The following SLC24A2 variants were observed in gnomAD, a reference collection of about 807,000 sequenced individuals.
SLC24A2 encodes the protein sodium/potassium/calcium exchanger 2.
SLC24A2 carries 36 observed loss-of-function variants against 62.0 expected under a neutral mutation model. The observed-to-expected ratio is 0.58, with a 90% CI of 0.44 to 0.77. The LOEUF (loss-of-function observed/expected upper bound fraction) is 0.77. Ranked by LOEUF, SLC24A2 falls within the 30% of genes least tolerant of loss-of-function variation. The probability of loss-of-function intolerance (pLI) is 0.00; values close to 1 mark genes in which losing one functional copy is unlikely to be tolerated. For missense variants in SLC24A2, 846 were observed against 817.9 expected, an observed-to-expected ratio of 1.03 and a Z score of -0.42; for synonymous variants, 358 against 294.0, an observed-to-expected ratio of 1.22 and a Z score of -2.23.
intron 8 of SLC24A2, among the ~76,000 whole-genome samples, chr9:19,546,718 G>C (rs969161547): frequency 2.0e-5 from 3 of 151,036 alleles, no homozygotes; most frequent in Non-Finnish European, 4.4e-5. Context: ...TGGTGTTCTG[G>C]CACCACTGAG....
chr9:20,167,737 A>G, the SLC24A2 span, among the ~76,000 whole-genome samples: 1 of 151,932 alleles, frequency 6.6e-6, no homozygotes, highest in African/African-American at 2.4e-5. Flanking sequence ...TTATAATACA[A>G]GATACTGGGT....
At chr9:20,063,293 C>A in the SLC24A2 span, among the ~76,000 whole-genome samples, 1 of 150,794 alleles carries the variant, frequency 6.6e-6, no homozygotes, top group African/African-American at 2.4e-5. Flanking sequence ...ACATATACAC[C>A]ATGGAATACT....
At chr9:19,621,164 C>T (rs1337946601) in intron 3 of SLC24A2, among the ~76,000 whole-genome samples, 2 of 152,220 alleles carry the variant, frequency 1.3e-5, no homozygotes, top group East Asian at 1.9e-4. Flanking sequence ...ATGGTCCACA[C>T]ATTTGGAGAC....
chr9:19,646,656 T>A (rs1812497079), intron 2 of SLC24A2, among the ~76,000 whole-genome samples: 1 of 152,200 alleles, frequency 6.6e-6, no homozygotes. Context: ...CTTAGGCAGA[T>A]AGGAATAAGA....
chr9:20,207,849 T>C, the SLC24A2 span, among the ~76,000 whole-genome samples: 1 of 152,180 alleles, frequency 6.6e-6, no homozygotes, highest in Admixed American at 6.5e-5. Flanking sequence ...GATCTATAAA[T>C]GGCAGAAAAT....
At chr9:19,732,186 T>C (rs570726320) in intron 2 of SLC24A2, among the ~76,000 whole-genome samples, 1 of 152,308 alleles carries the variant, frequency 6.6e-6, no homozygotes, top group Non-Finnish European at 1.5e-5. Flanking sequence ...TGTCCAGCTA[T>C]GGTCAGCCCA....
At chr9:19,852,089 G>A in the SLC24A2 span, among the ~76,000 whole-genome samples, 1 of 152,154 alleles carries the variant, frequency 6.6e-6, no homozygotes, top group Non-Finnish European at 1.5e-5. Context: ...CAGTGACGTT[G>A]AGCTTTTTTT....
the SLC24A2 span, among the ~76,000 whole-genome samples, chr9:19,872,526 C>G: frequency 6.6e-6 from 1 of 152,138 alleles, no homozygotes; most frequent in Non-Finnish European, 1.5e-5. Flanking sequence ...CATTTTCTGT[C>G]CTTCACTGTA....
the SLC24A2 span, among the ~76,000 whole-genome samples, chr9:20,080,633 T>G: frequency 1.3e-5 from 2 of 152,132 alleles, no homozygotes; most frequent in South Asian, 4.1e-4. Context: ...AAATGGGATC[T>G]CATTAAACAA....
At chr9:19,739,593 G>A (rs1317754628) in intron 2 of SLC24A2, among the ~76,000 whole-genome samples, 4 of 152,124 alleles carry the variant, frequency 2.6e-5, no homozygotes, top group Non-Finnish European at 5.9e-5. Flanking sequence ...ATAAATAGTA[G>A]ATCACTTGGA....
At chr9:20,009,749 A>G in the SLC24A2 span, among the ~76,000 whole-genome samples, 2 of 152,146 alleles carry the variant, frequency 1.3e-5, no homozygotes, top group African/African-American at 2.4e-5. Context: ...GCAACCGGCA[A>G]TTACCTGGGG....
At chr9:20,121,982 G>A in the SLC24A2 span, among the ~76,000 whole-genome samples, 3 of 152,138 alleles carry the variant, frequency 2.0e-5, no homozygotes, top group African/African-American at 4.8e-5. Context: ...AAAAGGAAAA[G>A]AGAAATCTGC....
In SLC24A2 at chr9:19,517,471, T is replaced by C. The variant is rs1265891260; in HGVS notation, c.1737-1069A>G. On this transcript the variant is annotated intron_variant, in intron 10 of 10. Transcript: ENST00000341998. ...AGGGTGAAAGGGGCAGTGAGTTTAC[T>C]CATCTGCCTCCTGTGCTGGAGAGAC... Among the ~76,000 whole-genome samples the C allele has an allele frequency of 7.2e-5, 11 of 152,330 alleles. No individual in the cohort carries two copies. The East Asian group carries it at 2.1e-3, about 29-fold the overall frequency.
Position 19,516,315 on chromosome 9 carries a change from G to C in SLC24A2, c.1824C>G (p.Val608=), listed in dbSNP as rs761612625. The C allele has an allele frequency of 6.2e-7, 1 of 1,614,204 alleles. No homozygotes were observed. The highest frequency in any genetic ancestry group is 1.1e-5 in the South Asian group (1 of 91,074). The change falls in exon 11 of 11, where the codon GTC becomes GTG. Residue 608 remains valine (V), a synonymous_variant. Transcript: ENST00000341998. ...VSSNGLFCAI[V]LLFIMLLFVI... is the part of the protein sequence containing the mutation. Reference sequence around the variant, plus strand: ...CGAAGAGCAGCATGATGAAGAGAAGGACGATGGCACAGAAAAGGCCATTGC... The same window carrying C: ...CGAAGAGCAGCATGATGAAGAGAAGCACGATGGCACAGAAAAGGCCATTGC...
chr9:19,608,262 A>T (rs564855849), intron 4 of SLC24A2, among the ~76,000 whole-genome samples: 2 of 152,282 alleles, frequency 1.3e-5, no homozygotes, highest in Non-Finnish European at 2.9e-5. Context: ...AAAAGGGGGC[A>T]TGAAATGACT....
At chr9:20,045,848 A>G in the SLC24A2 span, among the ~76,000 whole-genome samples, 4 of 152,150 alleles carry the variant, frequency 2.6e-5, no homozygotes, top group Admixed American at 6.5e-5. Context: ...ATACGGTGAG[A>G]AAATCAAGGT....
chr9:19,829,131 T>C, the SLC24A2 span, among the ~76,000 whole-genome samples: 40 of 152,304 alleles, frequency 2.6e-4, no homozygotes, highest in African/African-American at 6.7e-4. Context: ...ATGGAGACAA[T>C]ACCTTCTTCA....
At chr9:20,242,149 C>A in the SLC24A2 span, among the ~76,000 whole-genome samples, 1 of 152,078 alleles carries the variant, frequency 6.6e-6, no homozygotes, top group Admixed American at 6.5e-5. Context: ...CTTTTTCCTG[C>A]CCCCCACAGT....
intron 9 of SLC24A2, 142 bp downstream of exon 9, chr9:19,527,907 C>G (rs974445075): frequency 4.7e-5 from 33 of 695,030 alleles, no homozygotes; most frequent in African/African-American, 7.1e-5. Flanking sequence ...TGGATAAATT[C>G]CTCTAGTCCT....
Sources: gnomAD v4.1 joint callset for allele counts (sites outside exome capture counted in the v4.1 genomes callset) on GRCh38, gnomAD v4.1.1 for gene constraint, MANE v1.5 for transcripts, NCBI Gene and HGNC (gene_info 2026-07-23, HGNC 2026-07-21) for gene names.